The following ZC3H13 variants were observed in gnomAD, a reference collection of about 807,000 sequenced individuals.
The protein encoded by ZC3H13 is zinc finger CCCH domain-containing protein 13.
In ZC3H13, 64 loss-of-function variants were observed where a neutral mutation model predicts 204.1. The ratio of observed to expected loss-of-function variants is 0.31; its 90% confidence interval spans 0.26 to 0.39. ZC3H13 has a LOEUF of 0.39. ZC3H13 is among the 10% of genes least tolerant of loss of function. The pLI is 1.00. For missense variants in ZC3H13, 1,833 were observed against 2,082.7 expected, an observed-to-expected ratio of 0.88 and a Z score of 2.33; for synonymous variants, 667 against 693.7, an observed-to-expected ratio of 0.96 and a Z score of 0.60.
chr13:45,965,251 C>A, intron 16 of ZC3H13, 29 bp downstream of exon 16: 1 of 1,607,884 alleles, frequency 6.2e-7, no homozygotes, highest in South Asian at 1.1e-5. Flanking sequence ...AGATAATTTT[C>A]ATGTTTAACC....
Position 45,984,867 on chromosome 13 carries a change from T to C in ZC3H13, c.1720+430A>G. On this transcript the variant is annotated intron_variant, in intron 10 of 18. Coordinates refer to ENST00000679008, the MANE Select transcript of ZC3H13 (RefSeq NM_001330564.2). ...TGACGTGTGGCAGTTTGACAGGGTC[T>C]GAAGCAAGTACAAATACTGAAGAAT... is the stretch of plus-strand genomic sequence containing the variant. 1.3e-5 allele frequency among the ~76,000 whole-genome samples: 2 copies of C among 152,244 alleles called. 1 individual carries two copies. The highest frequency in any genetic ancestry group is 4.1e-4 in the South Asian group (2 of 4,830).
At chr13:46,034,468 C>G (rs187421489) in intron 4 of ZC3H13, among the ~76,000 whole-genome samples, 2 of 152,240 alleles carry the variant, frequency 1.3e-5, no homozygotes, top group East Asian at 3.9e-4. Flanking sequence ...GAATGAACTA[C>G]TGACATATGC....
In ZC3H13 at chr13:45,969,440, G is replaced by A. The variant is rs749002051; in HGVS notation, c.3104C>T (p.Pro1035Leu). Residue 1035 changes from proline (P) to leucine (L), a missense_variant, in exon 14 of 19, where the codon CCT (proline) becomes CTT (leucine). Physicochemically the swap from Pro to Leu is moderately conservative, Grantham distance 98. This residue lies in a region of ZC3H13 where 1,574 missense variants were observed against 1,757.2 expected (regional missense o/e 0.90). Transcript: ENST00000679008. ...AACCAATTCCTCTTTAGTTGTTATA[G>A]GGGGAGTCCGTGGGCCTCTTTTCTT... ...SKKKRGPRTP[P>L]ITTKEELVEM... 4 of 1,613,898 alleles carry A rather than the reference G, an allele frequency of 2.5e-6. No individual in the cohort carries two copies. The highest frequency in any genetic ancestry group is 2.2e-5 in the South Asian group (2 of 91,064).
intron 8 of ZC3H13, among the ~76,000 whole-genome samples, chr13:45,999,673 A>G (rs1277328976): frequency 1.3e-5 from 2 of 152,230 alleles, no homozygotes; most frequent in African/African-American, 4.8e-5. Context: ...TTCTGTAACT[A>G]TTAATATTTT....
intron 10 of ZC3H13, among the ~76,000 whole-genome samples, chr13:45,983,547 C>T (rs1953890447): frequency 6.8e-6 from 1 of 146,418 alleles, no homozygotes; most frequent in East Asian, 2.0e-4. Context: ...CTGCCTCAGC[C>T]TCCCGAGTAG....
intron 1 of ZC3H13, among the ~76,000 whole-genome samples, chr13:46,051,581 C>CG (rs2139297854): frequency 6.6e-6 from 1 of 152,286 alleles, no homozygotes; most frequent in Admixed American, 6.5e-5. Flanking sequence ...GACTGAACTG[C>CG]ATAAGTATTT....
chr13:45,967,468 T>G (rs1183180311), intron 15 of ZC3H13, 36 bp downstream of exon 15: 5 of 1,491,722 alleles, frequency 3.4e-6, no homozygotes, highest in Non-Finnish European at 4.4e-6. Context: ...TGAAAAGAAA[T>G]AAAGCAGTAT....
chr13:45,962,397 T>C (rs1951754058), intron 17 of ZC3H13: 2 of 985,286 alleles, frequency 2.0e-6, no homozygotes, highest in South Asian at 9.4e-5. Flanking sequence ...GAAATGCTAC[T>C]AGCAAAAGGT....
intron 16 of ZC3H13, among the ~76,000 whole-genome samples, chr13:45,964,383 G>T (rs139358253): frequency 6.6e-6 from 1 of 152,162 alleles, no homozygotes; most frequent in Non-Finnish European, 1.5e-5. Context: ...CCTTTTAAGG[G>T]TTAAATCTAG....
At chr13:45,958,648 G>GTTTTT (rs10539884) in intron 18 of ZC3H13, among the ~76,000 whole-genome samples, 29 of 123,676 alleles carry the variant, frequency 2.3e-4, no homozygotes, top group Non-Finnish European at 3.8e-4. Context: ...AAAAATCCCA[G>GTTTTT]TTTTTTTTTT....
chr13:46,016,351 A>G (rs975590654), intron 5 of ZC3H13, among the ~76,000 whole-genome samples: 2 of 152,202 alleles, frequency 1.3e-5, no homozygotes, highest in African/African-American at 4.8e-5. Context: ...ACAGTAGACT[A>G]AATTATGGCA....
chr13:46,029,101 G>T (rs2042718478), intron 4 of ZC3H13, among the ~76,000 whole-genome samples: 1 of 151,980 alleles, frequency 6.6e-6, no homozygotes, highest in Admixed American at 6.6e-5. Context: ...ATTATCAATA[G>T]GAGAAACAAA....
chr13:45,978,045 T>C (rs1953213358), intron 11 of ZC3H13, among the ~76,000 whole-genome samples: 1 of 152,148 alleles, frequency 6.6e-6, no homozygotes, highest in Non-Finnish European at 1.5e-5. Context: ...TGTCTGTACA[T>C]GCTGCACCCT....
In ZC3H13 at chr13:45,960,898, T is replaced by C. The variant is rs79315218; in HGVS notation, c.4676-1252A>G. On this transcript the variant is annotated intron_variant, in intron 17 of 18. Transcript: ENST00000679008. ...TTTTCTGGGCTGCAAAGTGTAAGTA[T>C]TGAGATTAGATAGTTAACAAGAAAC... Among the ~76,000 whole-genome samples the C allele has an allele frequency of 2.4e-3, 367 of 152,318 alleles. 13 individuals carry two copies. The East Asian group carries it at 0.059, about 24-fold the overall frequency.
chr13:45,954,907 A>G lies in ZC3H13; in HGVS notation c.*2220T>C, dbSNP rs1357596303. ...GTATGCTTACAAAACTTTGTTAAATAAAGTTGGGTATTGTTAGTATACCCT... is the reference window on the plus strand; with the variant it reads ...GTATGCTTACAAAACTTTGTTAAATGAAGTTGGGTATTGTTAGTATACCCT... On this transcript the variant is annotated 3_prime_UTR_variant, in exon 19 of 19. Transcript: ENST00000679008. The G allele has an allele frequency of 1.3e-5, 2 of 152,370 alleles. No homozygotes were observed. The highest frequency in any genetic ancestry group is 3.9e-4 in the East Asian group (2 of 5,192). The allele number at this position is 152,370 out of a possible 1,614,324, so 9.4% of individuals were successfully genotyped here.
At chr13:45,992,465 T>C (rs923973938) in intron 8 of ZC3H13, among the ~76,000 whole-genome samples, 2 of 152,348 alleles carry the variant, frequency 1.3e-5, no homozygotes, top group South Asian at 2.1e-4. Context: ...AATAAGGTAA[T>C]TGAATGTCAT....
chr13:46,006,995 A>G (rs2138590752), intron 7 of ZC3H13, among the ~76,000 whole-genome samples: 1 of 152,110 alleles, frequency 6.6e-6, no homozygotes, highest in Admixed American at 6.5e-5. Flanking sequence ...TATGTGATAA[A>G]TATCTGTATT....
intron 8 of ZC3H13, chr13:46,001,214 C>G (rs114817060): frequency 1.1e-3 from 173 of 152,258 alleles, no homozygotes; most frequent in African/African-American, 4.0e-3. Context: ...ATGCCACAAA[C>G]CTTCCATTTG....
At chr13:45,962,262 T>G (rs985744987) in intron 17 of ZC3H13, 23 of 985,290 alleles carry the variant, frequency 2.3e-5, no homozygotes, top group Non-Finnish European at 2.8e-5. Context: ...ATAGAAGAAG[T>G]CTGATTGTTA....
Sources: gnomAD v4.1 joint callset for allele counts (sites outside exome capture counted in the v4.1 genomes callset) on GRCh38, gnomAD v4.1.1 for gene constraint, gnomAD v4.1.1 regional missense constraint, MANE v1.5 for transcripts, NCBI Gene and HGNC (gene_info 2026-07-23, HGNC 2026-07-21) for gene names.